TAL1: variants seen among roughly 807,000 people sequenced by gnomAD.
TAL1 encodes T-cell acute lymphocytic leukemia protein 1.
Under a neutral mutation model 17.9 loss-of-function variants are expected in TAL1, and 8 were observed. The observed-to-expected ratio is 0.45, with a 90% CI of 0.26 to 0.81. The LOEUF (loss-of-function observed/expected upper bound fraction) is 0.81, where lower values mean the gene tolerates loss of function less well. Among genes scored for constraint, TAL1 ranks in the 30% least tolerant of loss-of-function variants. TAL1 has a pLI of 0.17. For synonymous variants in TAL1, 223 were observed against 218.6 expected (o/e 1.02, Z -0.18); for missense variants, 466 against 486.9 (o/e 0.96, Z 0.40).
At chr1:47,219,418 A>G (rs1242803576) in exon 4 of TAL1, 6 of 620,094 alleles carry the variant, frequency 9.7e-6, no homozygotes, top group Non-Finnish European at 1.8e-5. Context: ...CCAGGCCAAA[A>G]GCAGTGACAA....
chr1:47,219,894 G>GGCCCCCCCCCCCCCCCCCCCCC lies in TAL1; in HGVS notation c.821_822insGGGGGGGGGGGGGGGGGGGGGC (p.Ala275GlyfsTer12). On this transcript the variant is annotated frameshift_variant, in exon 4 of 4. Transcript: ENST00000294339. LOFTEE classifies it high-confidence loss of function. ...CTTGCAGGAGGTCATCTGGGGGCGC[G>GGCCCCCCCCCCCCCCCCCCCCC]CCGCCCCCTCCCCCACCTCCACCCC... is the stretch of plus-strand genomic sequence containing the variant. 3.2e-6 allele frequency: 5 copies of GGCCCCCCCCCCCCCCCCCCCCC among 1,555,992 alleles called. No individual in the cohort carries two copies. Among genetic ancestry groups the GGCCCCCCCCCCCCCCCCCCCCC allele is most frequent in the Admixed American group, 1.8e-5 (1 of 55,780 alleles).
At chr1:47,219,616 C>A in exon 4 of TAL1, 1 of 1,527,654 alleles carries the variant, frequency 6.5e-7, no homozygotes, top group Non-Finnish European at 8.8e-7. Flanking sequence ...TCAAGTCCAC[C>A]GCCTTGCTTC....
chr1:47,218,062 T>A (rs958668738), exon 4 of TAL1: 1 of 285,240 alleles, frequency 3.5e-6, no homozygotes, highest in Non-Finnish European at 6.5e-6. Context: ...CCCATCATGG[T>A]GAGGACAAGC....
intron 3 of TAL1, among the ~76,000 whole-genome samples, chr1:47,221,660 C>A (rs747666073): frequency 6.6e-6 from 1 of 152,152 alleles, no homozygotes; most frequent in Non-Finnish European, 1.5e-5. Flanking sequence ...CTTCTAGTAA[C>A]CCCTGGAACC....
chr1:47,219,247 A>G, exon 4 of TAL1: 1 of 444,048 alleles, frequency 2.3e-6, no homozygotes, highest in African/African-American at 2.0e-5. Flanking sequence ...GATGGGGCTC[A>G]CGAAATGGGC....
chr1:47,217,968 C>T, exon 4 of TAL1: 1 of 391,154 alleles, frequency 2.6e-6, no homozygotes, highest in South Asian at 1.4e-4. Context: ...ACAATGTTGC[C>T]CCAAGCTCGA....
At chr1:47,226,020 A>C in intron 1 of TAL1, 131 bp from the exon 3 acceptor site, 2 of 984,380 alleles carry the variant, frequency 2.0e-6, no homozygotes, top group Non-Finnish European at 2.8e-6. Context: ...AGAGGCAGAC[A>C]AAGTTAGCGC....
intron 3 of TAL1, among the ~76,000 whole-genome samples, chr1:47,221,162 G>C (rs931749144): frequency 6.6e-6 from 1 of 152,188 alleles, no homozygotes; most frequent in Admixed American, 6.5e-5. Flanking sequence ...ACAGAGTAGG[G>C]GCTTAGAAAA....
In TAL1 at chr1:47,219,103, C is replaced by A. The variant is rs79055979; in HGVS notation, c.*617G>T. On this transcript the variant is annotated 3_prime_UTR_variant, in exon 4 of 4. Transcript: ENST00000294339. Reference sequence around the variant, plus strand: ...AAGTAAGGGCGACTGGGTTTCCTGACCCTCCGGCCCAGCTCATCTAGAGCA... The same window carrying A: ...AAGTAAGGGCGACTGGGTTTCCTGAACCTCCGGCCCAGCTCATCTAGAGCA... 403 of 339,138 alleles carry A rather than the reference C, an allele frequency of 1.2e-3. 4 individuals are homozygous for A. The highest frequency in any genetic ancestry group is 7.5e-3 in the African/African-American group (372 of 49,408). The allele number at this position is 339,138 out of a possible 1,614,324, so 21.0% of individuals were successfully genotyped here. A position where few individuals can be genotyped will look rare whatever the true frequency, so the allele number is the denominator to read the frequency against.
chr1:47,225,440 G>C lies in TAL1; in HGVS notation c.446+3C>G. 8.1e-7 allele frequency: 1 copy of C among 1,231,210 alleles called. No homozygotes were observed. Among genetic ancestry groups the C allele is most frequent in the Admixed American group, 4.2e-5 (1 of 23,630 alleles). The allele number at this position is 1,231,210 out of a possible 1,614,324, so 76.3% of individuals were successfully genotyped here. On this transcript the variant is annotated splice_donor_region_variant and intron_variant, in intron 2 of 3. Coordinates refer to ENST00000294339, the Ensembl canonical transcript of TAL1. ...CCCTGGCCCCTGGCCCCTGGCCCCT[G>C]ACCTGCCGAGAGAGGCCAGCGGCTG...
exon 2 of TAL1, chr1:47,225,826 C>A (rs960081523): frequency 1.3e-6 from 2 of 1,581,834 alleles, no homozygotes; most frequent in African/African-American, 2.8e-5. Context: ...TGGCCTCGGC[C>A]GCGTCCCGTC....
chr1:47,222,146 C>T (rs1274067991), intron 3 of TAL1, among the ~76,000 whole-genome samples: 2 of 152,246 alleles, frequency 1.3e-5, no homozygotes, highest in African/African-American at 4.8e-5. Flanking sequence ...AGTCCCTCCA[C>T]CATGGCTAAT....
intron 3 of TAL1, among the ~76,000 whole-genome samples, chr1:47,221,179 C>G (rs1643796805): frequency 6.6e-6 from 1 of 152,154 alleles, no homozygotes; most frequent in Non-Finnish European, 1.5e-5. Context: ...AAAATGTCTG[C>G]TAACTGACCC....
At chr1:47,225,165 G>A (rs543344352) in intron 2 of TAL1, among the ~76,000 whole-genome samples, 3 of 152,180 alleles carry the variant, frequency 2.0e-5, no homozygotes, top group South Asian at 4.2e-4. Flanking sequence ...CTGCACCCGC[G>A]AAGGTGTCCA....
At chr1:47,229,551 C>G (rs1643971369) in exon 1 of TAL1, 1 of 172,730 alleles carries the variant, frequency 5.8e-6, no homozygotes, top group African/African-American at 2.4e-5. Flanking sequence ...CCTCCTCCCC[C>G]CACCCGCCTT....
chr1:47,219,353 G>T, exon 4 of TAL1: 1 of 554,834 alleles, frequency 1.8e-6, no homozygotes. Flanking sequence ...ACTGCTGGAT[G>T]CCTCAGATGA....
chr1:47,229,873 C>A (rs1643978539), upstream of TAL1: 2 of 152,144 alleles, frequency 1.3e-5, no homozygotes, highest in South Asian at 4.1e-4. Flanking sequence ...TCTCTCTGAC[C>A]CCCATCCACC....
Sources: allele counts gnomAD v4.1 joint callset (sites outside exome capture counted in the v4.1 genomes callset), GRCh38; gene constraint gnomAD v4.1.1; transcripts MANE v1.5; gene names NCBI Gene and HGNC (gene_info 2026-07-23, HGNC 2026-07-21).